Variants in DIP2A observed in about 807,000 individuals in gnomAD.
DIP2A encodes disco-interacting protein 2 homolog A.
A neutral mutation model predicts 177.4 loss-of-function variants in DIP2A; 85 were observed. That is an observed-to-expected ratio of 0.48 (90% confidence interval 0.40 to 0.57). The LOEUF is 0.57. Among genes scored for constraint, DIP2A ranks in the 20% least tolerant of loss-of-function variants. DIP2A has a pLI of 0.00. For synonymous variants in DIP2A, 886 were observed against 881.8 expected (o/e 1.00, Z -0.08); for missense variants, 1,791 against 2,100.2 (o/e 0.85, Z 2.88).
intron 1 of DIP2A, among the ~76,000 whole-genome samples, chr21:46,478,448 G>T (rs530503742): frequency 2.0e-4 from 31 of 152,194 alleles, no homozygotes; most frequent in African/African-American, 7.5e-4. Flanking sequence ...CGGACCTCAG[G>T]TGATCTGCCT....
chr21:46,496,714 A>G (rs1358644216), intron 3 of DIP2A, among the ~76,000 whole-genome samples: 1 of 152,228 alleles, frequency 6.6e-6, no homozygotes, highest in Non-Finnish European at 1.5e-5. Context: ...CTAGATACAC[A>G]TTTAGGCTCA....
intron 36 of DIP2A, among the ~76,000 whole-genome samples, chr21:46,566,305 T>C (rs1002888290): frequency 2.0e-5 from 3 of 152,192 alleles, no homozygotes; most frequent in Non-Finnish European, 4.4e-5. Context: ...TGGTGTCCCG[T>C]TCACAGAGAT....
At chr21:46,464,533 T>C (rs2054623682) in intron 1 of DIP2A, among the ~76,000 whole-genome samples, 1 of 152,116 alleles carries the variant, frequency 6.6e-6, no homozygotes, top group Non-Finnish European at 1.5e-5. Flanking sequence ...CAAAGAAAAA[T>C]TTATTTCTCA....
chr21:46,541,922 T>G, intron 18 of DIP2A, 27 bp downstream of exon 18: 1 of 1,613,884 alleles, frequency 6.2e-7, no homozygotes, highest in Non-Finnish European at 8.5e-7. Context: ...GAGTGGGTCT[T>G]TGTCCATGAC....
intron 13 of DIP2A, among the ~76,000 whole-genome samples, chr21:46,535,558 A>T (rs1787025351): frequency 6.6e-6 from 1 of 152,196 alleles, no homozygotes; most frequent in Non-Finnish European, 1.5e-5. Flanking sequence ...TGTCTCTACA[A>T]AAAAAGGGAG....
intron 5 of DIP2A, among the ~76,000 whole-genome samples, chr21:46,502,123 A>G (rs1232484333): frequency 6.6e-6 from 1 of 152,126 alleles, no homozygotes; most frequent in African/African-American, 2.4e-5. Context: ...TCTACCTAAC[A>G]TAGACTAGTG....
At chr21:46,503,639 TTC>T in intron 5 of DIP2A, among the ~76,000 whole-genome samples, 1 of 117,698 alleles carries the variant, frequency 8.5e-6, no homozygotes, top group Non-Finnish European at 1.7e-5. Context: ...TTTCTTTCCT[TTC>T]TTTCTTTCTT....
intron 5 of DIP2A, among the ~76,000 whole-genome samples, chr21:46,500,892 A>G (rs1167419038): frequency 6.6e-6 from 1 of 152,216 alleles, no homozygotes; most frequent in Non-Finnish European, 1.5e-5. Flanking sequence ...ACTCCTGCAG[A>G]TGCAGCTGTA....
At chr21:46,555,362 G>T (rs1455283915) in intron 28 of DIP2A, among the ~76,000 whole-genome samples, 2 of 152,200 alleles carry the variant, frequency 1.3e-5, no homozygotes, top group African/African-American at 4.8e-5. Flanking sequence ...AAACCCCCCT[G>T]GCTCCCCTCT....
In DIP2A at chr21:46,569,085, A is replaced by T. The variant is rs910336411; in HGVS notation, c.*1463A>T. On this transcript the variant is annotated 3_prime_UTR_variant, in exon 38 of 38. Coordinates refer to ENST00000417564, the MANE Select transcript of DIP2A (RefSeq NM_015151.4). ...CGAATCTAAGACATAGATTATTTTT[A>T]TATAGCTAATGAAGAGTATGTTACG... The T allele has an allele frequency of 6.6e-6, 1 of 152,224 alleles. No individual in the cohort carries two copies. The highest frequency in any genetic ancestry group is 1.9e-4 in the East Asian group (1 of 5,202). 9.4% of individuals were successfully genotyped at this position (152,224 alleles called of 1,614,324 possible). A position where few individuals can be genotyped will look rare whatever the true frequency, so the allele number is the denominator to read the frequency against.
rs766238640 is a variant in DIP2A, at chr21:46,565,910, T to C, written c.4339+23T>C. ...GAGGTGAGGGGTTGTGGTGAAGCCC[T>C]GCGTGAGTGCTGTGCGGGGAGGACC... On this transcript the variant is annotated intron_variant, in intron 36 of 37. Transcript: ENST00000417564. 3.1e-6 allele frequency: 5 copies of C among 1,612,794 alleles called. No homozygotes were observed. The African/African-American group carries it at 5.3e-5, about 17-fold the overall frequency.
chr21:46,556,852 C>T lies in DIP2A; in HGVS notation c.3499-87C>T, dbSNP rs1424442949. The T allele has an allele frequency of 1.6e-6, 2 of 1,221,574 alleles. No homozygotes were observed. Among genetic ancestry groups the T allele is most frequent in the East Asian group, 2.6e-5 (1 of 38,892 alleles). 75.7% of individuals were successfully genotyped at this position (1,221,574 alleles called of 1,614,324 possible). ...TGGTAGTTCGGAGCTATGGTCTAGC[C>T]ATGTGAACAGCGGACACTGCCATCC... On this transcript the variant is annotated intron_variant, in intron 29 of 37. Transcript: ENST00000417564. This position sits in a 1 kb window ranked among gnomAD's most constrained non-coding sequence, Gnocchi z 4.5.
At chr21:46,567,311 C>T in intron 37 of DIP2A, 59 bp from the exon 38 acceptor site, 1 of 1,557,016 alleles carries the variant, frequency 6.4e-7, no homozygotes, top group Non-Finnish European at 8.7e-7. Context: ...CCCAAGCATT[C>T]ATTGGCCCCT....
rs182082188 is a variant in DIP2A, at chr21:46,470,313, A to G, written c.91+11091A>G. On this transcript the variant is annotated intron_variant, in intron 1 of 37. Transcript: ENST00000417564. ...AACGTGGAGAAACCCCGTCTCTACT[A>G]AAAATACAATATTAGCCAGGCGTGG... Among the ~76,000 whole-genome samples, 63 of 152,318 alleles carry G rather than the reference A, an allele frequency of 4.1e-4. No homozygotes were observed. The East Asian group carries it at 8.1e-3, about 20-fold the overall frequency.
chr21:46,499,865 G>A (rs747781720), intron 5 of DIP2A, among the ~76,000 whole-genome samples: 3 of 152,194 alleles, frequency 2.0e-5, no homozygotes, highest in Non-Finnish European at 2.9e-5. Flanking sequence ...AGATCAGACA[G>A]CAGCCTTAAG....
intron 20 of DIP2A, 142 bp downstream of exon 20, chr21:46,546,103 C>G (rs4818845): frequency 0.15 from 229,264 of 1,498,666 alleles, 19,196 homozygotes; most frequent in Middle Eastern, 0.17. Flanking sequence ...GACCTCCCTG[C>G]CCATCACCCT....
At chr21:46,475,688 A>G (rs2839277) in intron 1 of DIP2A, among the ~76,000 whole-genome samples, 53,408 of 152,110 alleles carry the variant, frequency 0.35, 9,713 homozygotes, top group Middle Eastern at 0.45. Context: ...CTACCACCCA[A>G]TTTTTAAAAA....
intron 20 of DIP2A, chr21:46,546,422 C>A: frequency 1.7e-6 from 1 of 586,340 alleles, no homozygotes; most frequent in Non-Finnish European, 2.2e-6. Flanking sequence ...GGGAGTGCTC[C>A]TGGCATCTAG....
At chr21:46,565,603 C>A in intron 35 of DIP2A, 110 bp from the exon 36 acceptor site, 1 of 1,152,698 alleles carries the variant, frequency 8.7e-7, no homozygotes, top group Non-Finnish European at 1.2e-6. Context: ...TCCGCCCCGA[C>A]TTCGTTCAGT....
Sources: gnomAD v4.1 joint callset for allele counts (sites outside exome capture counted in the v4.1 genomes callset) on GRCh38, gnomAD v4.1.1 for gene constraint, Gnocchi (gnomAD v3.1) non-coding constraint, MANE v1.5 for transcripts, NCBI Gene and HGNC (gene_info 2026-07-23, HGNC 2026-07-21) for gene names.